Variants in ANKRD62 observed in about 807,000 individuals in gnomAD.
The protein encoded by ANKRD62 is ankyrin repeat domain-containing protein 62.
Under a neutral mutation model 98.8 loss-of-function variants are expected in ANKRD62, and 61 were observed. That is an observed-to-expected ratio of 0.62 (90% CI 0.50 to 0.76). The LOEUF (loss-of-function observed/expected upper bound fraction) is 0.76. ANKRD62 is among the 30% of genes least tolerant of loss of function. ANKRD62 has a pLI of 0.00. For synonymous variants in ANKRD62, 341 were observed against 367.9 expected, an observed-to-expected ratio of 0.93 and a Z score of 0.84; for missense variants, 933 against 1,082.9, an observed-to-expected ratio of 0.86 and a Z score of 1.94.
the ANKRD62 span, among the ~76,000 whole-genome samples, chr18:12,159,080 A>C: frequency 6.6e-6 from 1 of 152,222 alleles, no homozygotes; most frequent in South Asian, 2.1e-4. Flanking sequence ...CAGCAGAAGT[A>C]TAACGACCTA....
chr18:12,141,789 T>G, the ANKRD62 span, among the ~76,000 whole-genome samples: 1 of 37,426 alleles, frequency 2.7e-5, no homozygotes, highest in Admixed American at 2.6e-4. Context: ...ATGTGGGTGT[T>G]CCTTTAACTT....
At chr18:12,094,258 AGGAGGCCTGG>A in intron 1 of ANKRD62, 23 bp downstream of exon 1, 12 of 1,489,404 alleles carry the variant, frequency 8.1e-6, no homozygotes, top group Non-Finnish European at 1.1e-5. Flanking sequence ...GGAAGCCGGG[AGGAGGCCTGG>A]GGATATGGGA....
chr18:12,104,568 T>A (rs2143903595), intron 7 of ANKRD62, among the ~76,000 whole-genome samples: 1 of 152,250 alleles, frequency 6.6e-6, no homozygotes, highest in African/African-American at 2.4e-5. Flanking sequence ...GGAAAAAAAC[T>A]TTAAAACTCA....
intron 8 of ANKRD62, among the ~76,000 whole-genome samples, chr18:12,108,738 CT>C (rs2143909300): frequency 1.3e-5 from 2 of 150,496 alleles, no homozygotes; most frequent in East Asian, 3.9e-4. Context: ...TTAGTTAGTT[CT>C]AAGATACAGT....
the ANKRD62 span, among the ~76,000 whole-genome samples, chr18:12,158,881 C>T: frequency 6.6e-6 from 1 of 151,628 alleles, no homozygotes; most frequent in Admixed American, 6.6e-5. Context: ...AGCTGGGCTT[C>T]GAGTGGGAGG....
Position 12,125,841 on chromosome 18 carries a change from A to G in ANKRD62, c.2020A>G (p.Lys674Glu). The part of the protein sequence containing the change: ...LCDHDQRQSS[K>E]RDLQLAFQST... ...TGATCATGATCAACGTCAGTCATCA[A>G]AAAGAGACCTACAGCTTGCTTTCCA... The change falls in exon 13 of 14, where the codon AAA becomes GAA. Residue 674 changes from lysine (K) to glutamate (E), a missense_variant. Physicochemically the swap from Lys to Glu is moderately conservative, Grantham distance 56 (BLOSUM62 1). This residue lies in a region of ANKRD62 where 362 missense variants were observed against 434.5 expected (regional missense o/e 0.83). Transcript: ENST00000587848. 6.5e-7 allele frequency: 1 copy of G among 1,549,072 alleles called. No homozygotes were observed. The highest frequency in any genetic ancestry group is 8.7e-7 in the Non-Finnish European group (1 of 1,147,416).
chr18:12,166,761 C>G, the ANKRD62 span, among the ~76,000 whole-genome samples: 1 of 152,108 alleles, frequency 6.6e-6, no homozygotes, highest in African/African-American at 2.4e-5. Flanking sequence ...TTCTAGGGTA[C>G]ATGTGCCCAA....
chr18:12,156,253 C>A, the ANKRD62 span, among the ~76,000 whole-genome samples: 1 of 152,180 alleles, frequency 6.6e-6, no homozygotes, highest in East Asian at 1.9e-4. Context: ...AAATACATTT[C>A]TTTTCTTTAT....
At chr18:12,101,327 C>T (rs887072165) in intron 6 of ANKRD62, among the ~76,000 whole-genome samples, 1 of 152,120 alleles carries the variant, frequency 6.6e-6, no homozygotes, top group Non-Finnish European at 1.5e-5. Flanking sequence ...AAGTAAAACA[C>T]ATTTGAGACT....
chr18:12,134,241 T>C (rs1910046300), downstream of ANKRD62, among the ~76,000 whole-genome samples: 1 of 152,186 alleles, frequency 6.6e-6, no homozygotes, highest in African/African-American at 2.4e-5. Flanking sequence ...AGCATCACAT[T>C]TACTTATCAA....
intron 7 of ANKRD62, among the ~76,000 whole-genome samples, chr18:12,103,900 T>C (rs1909361047): frequency 6.6e-6 from 1 of 152,162 alleles, no homozygotes; most frequent in Non-Finnish European, 1.5e-5. Flanking sequence ...AAGCCTATAG[T>C]TTATATAGCT....
At chr18:12,124,856 C>T (rs2143931779) in intron 12 of ANKRD62, among the ~76,000 whole-genome samples, 1 of 152,180 alleles carries the variant, frequency 6.6e-6, no homozygotes, top group Admixed American at 6.5e-5. Context: ...TTAACCTTTC[C>T]CTGCAGAATT....
the ANKRD62 span, among the ~76,000 whole-genome samples, chr18:12,161,508 C>T: frequency 1.3e-5 from 2 of 152,066 alleles, no homozygotes; most frequent in Non-Finnish European, 2.9e-5. Flanking sequence ...TCCATCTTCT[C>T]AAGCATTCAT....
At chr18:12,133,199 C>T (rs185408966), downstream of ANKRD62, among the ~76,000 whole-genome samples, 1 of 152,188 alleles carries the variant, frequency 6.6e-6, no homozygotes, top group East Asian at 1.9e-4. Flanking sequence ...GGTTATTTCA[C>T]TTAGCATAAT....
At chr18:12,138,967 A>G in the ANKRD62 span, among the ~76,000 whole-genome samples, 1 of 152,208 alleles carries the variant, frequency 6.6e-6, no homozygotes, top group South Asian at 2.1e-4. Flanking sequence ...TCCTGAATAC[A>G]GCACACTGAT....
In ANKRD62 at chr18:12,122,303, A is replaced by AT; in HGVS notation, c.1245dup (p.Val416CysfsTer2). 1 of 1,532,448 alleles carries AT rather than the reference A, an allele frequency of 6.5e-7. No individual in the cohort carries two copies. Among genetic ancestry groups the AT allele is most frequent in the Non-Finnish European group, 8.7e-7 (1 of 1,145,928 alleles). 94.9% of individuals were successfully genotyped at this position (1,532,448 alleles called of 1,614,324 possible). On this transcript the variant is annotated frameshift_variant and splice_region_variant, in exon 11 of 14. Transcript: ENST00000587848. LOFTEE classifies it high-confidence loss of function. The stretch of plus-strand genomic sequence containing the variant: ...CTATTTTGTCTTCTCCTGGTAACAG[A>AT]TTTTGTTAGCCTATCGAAAAGCAAG...
chr18:12,112,495 A>G (rs942429829), intron 8 of ANKRD62, among the ~76,000 whole-genome samples: 1 of 152,240 alleles, frequency 6.6e-6, no homozygotes, highest in East Asian at 1.9e-4. Context: ...TGGTACTGGG[A>G]TAACTGGCTA....
intron 10 of ANKRD62, among the ~76,000 whole-genome samples, chr18:12,116,918 A>G (rs1356645821): frequency 6.6e-6 from 1 of 152,130 alleles, no homozygotes; most frequent in Non-Finnish European, 1.5e-5. Context: ...TTTATATGTC[A>G]TATTTAATTT....
At chr18:12,107,624 A>T (rs887626833) in intron 8 of ANKRD62, among the ~76,000 whole-genome samples, 157 bp downstream of exon 8, 6 of 152,214 alleles carry the variant, frequency 3.9e-5, no homozygotes, top group Non-Finnish European at 7.3e-5. Flanking sequence ...ACAAGCAATG[A>T]GATATGGTCT....
Sources: gnomAD v4.1 joint callset for allele counts (sites outside exome capture counted in the v4.1 genomes callset) on GRCh38, gnomAD v4.1.1 for gene constraint, gnomAD v4.1.1 regional missense constraint, MANE v1.5 for transcripts, NCBI Gene and HGNC (gene_info 2026-07-23, HGNC 2026-07-21) for gene names.